Variants in NFAM1 observed in about 807,000 individuals in gnomAD.
The protein encoded by NFAM1 is NFAT activating protein with ITAM motif 1, also known as NFAT activation molecule 1.
Under a neutral mutation model 29.0 loss-of-function variants are expected in NFAM1, and 17 were observed. The observed-to-expected ratio is 0.59, with a 90% CI of 0.40 to 0.88. The LOEUF is 0.88. Among genes scored for constraint, NFAM1 ranks in the 40% least tolerant of loss-of-function variants. The probability of loss-of-function intolerance (pLI) is 0.00; values close to 1 mark genes in which losing one functional copy is unlikely to be tolerated. For synonymous variants in NFAM1, 175 were observed against 147.2 expected, an observed-to-expected ratio of 1.19 and a Z score of -1.36; for missense variants, 324 against 344.6, an observed-to-expected ratio of 0.94 and a Z score of 0.47.
chr22:42,409,601 C>A lies in NFAM1; in HGVS notation c.452-54G>T. On this transcript the variant is annotated intron_variant, in intron 2 of 5. Transcript: ENST00000329021. The surrounding 1 kb of genome is among the most constrained non-coding windows in gnomAD (Gnocchi z 4.9). ...GTCAGTGACCCAGGAGAAAGCGGGGCACACACACCTGATGTTCTCCCTCAC... is the reference window on the plus strand; with the variant it reads ...GTCAGTGACCCAGGAGAAAGCGGGGAACACACACCTGATGTTCTCCCTCAC... 2.4e-6 allele frequency: 2 copies of A among 829,084 alleles called. No homozygotes were observed. Among genetic ancestry groups the A allele is most frequent in the South Asian group, 2.1e-5 (1 of 47,382 alleles). 51.4% of individuals were successfully genotyped at this position (829,084 alleles called of 1,614,324 possible). A position where few individuals can be genotyped will look rare whatever the true frequency, so the allele number is the denominator to read the frequency against.
At chr22:42,400,843 G>A (rs1039585590) in intron 3 of NFAM1, among the ~76,000 whole-genome samples, 1 of 152,200 alleles carries the variant, frequency 6.6e-6, no homozygotes, top group Non-Finnish European at 1.5e-5. Flanking sequence ...CTGTCTCTTC[G>A]CTGAGCTGGC....
chr22:42,402,368 G>C lies in NFAM1; in HGVS notation c.565-4412C>G, dbSNP rs540059608. ...CCCCCACGTGGGGCTGTGGACCATG[G>C]TCTGGAGCTTGGGGAGGGGTCTGAG... On this transcript the variant is annotated intron_variant, in intron 3 of 5. Transcript: ENST00000329021. 6.6e-5 allele frequency among the ~76,000 whole-genome samples: 10 copies of C among 152,356 alleles called. 1 individual carries two copies. The South Asian group carries it at 2.1e-3, about 32-fold the overall frequency.
chr22:42,422,107 C>T (rs1930464741), intron 1 of NFAM1, among the ~76,000 whole-genome samples: 2 of 152,312 alleles, frequency 1.3e-5, no homozygotes, highest in South Asian at 4.1e-4. Context: ...CTTTCAACAC[C>T]TCCAAATTAC....
At chr22:42,413,927 A>G (rs1219320394) in intron 1 of NFAM1, among the ~76,000 whole-genome samples, 1 of 152,062 alleles carries the variant, frequency 6.6e-6, no homozygotes, top group Admixed American at 6.6e-5. Context: ...GGTGGTGGGC[A>G]CCTGTAATCC....
the NFAM1 span, among the ~76,000 whole-genome samples, chr22:42,437,420 G>A: frequency 6.6e-6 from 1 of 152,108 alleles, no homozygotes; most frequent in African/African-American, 2.4e-5. Flanking sequence ...TGGGATTACA[G>A]GTGTGACCTA....
At chr22:42,399,376 G>A (rs1379377768) in intron 3 of NFAM1, among the ~76,000 whole-genome samples, 2 of 151,288 alleles carry the variant, frequency 1.3e-5, no homozygotes, top group Non-Finnish European at 3.0e-5. Flanking sequence ...GAACCCAGGG[G>A]GCGGAGGTTG....
At chr22:42,406,583 G>A (rs981836650) in intron 3 of NFAM1, among the ~76,000 whole-genome samples, 9 of 151,968 alleles carry the variant, frequency 5.9e-5, no homozygotes, top group Admixed American at 2.0e-4. Context: ...CCACTGGCAC[G>A]CCCAGCCCTG....
upstream of NFAM1, among the ~76,000 whole-genome samples, chr22:42,434,279 G>C (rs766332337): frequency 7.2e-5 from 11 of 152,172 alleles, no homozygotes; most frequent in African/African-American, 9.7e-5. Context: ...ATAAGGCAGG[G>C]AGAAGCCTTC....
At chr22:42,425,928 G>A (rs747171990) in intron 1 of NFAM1, among the ~76,000 whole-genome samples, 1 of 152,186 alleles carries the variant, frequency 6.6e-6, no homozygotes, top group Non-Finnish European at 1.5e-5. Context: ...GAGGGGAACT[G>A]GGTTTGTTCA....
intron 3 of NFAM1, among the ~76,000 whole-genome samples, chr22:42,398,382 TTTATTATTA>T (rs202112713): frequency 0.026 from 3,271 of 125,392 alleles, 51 homozygotes; most frequent in Non-Finnish European, 0.034. Flanking sequence ...CTTGGTTTTA[TTTATTATTA>T]TTATTATTAT....
At chr22:42,437,703 C>T in the NFAM1 span, among the ~76,000 whole-genome samples, 2 of 152,190 alleles carry the variant, frequency 1.3e-5, no homozygotes, top group Non-Finnish European at 2.9e-5. Flanking sequence ...ATTTCCTCTC[C>T]GTGACCCTTC....
At chr22:42,425,094 T>G (rs894165570) in intron 1 of NFAM1, among the ~76,000 whole-genome samples, 1 of 152,050 alleles carries the variant, frequency 6.6e-6, no homozygotes, top group African/African-American at 2.4e-5. Flanking sequence ...GCTAATTTTT[T>G]GTATTTTTGG....
At position 42,385,057 on chromosome 22, in the gene NFAM1, G is replaced by T. The variant is rs759663569; in HGVS notation, c.*104C>A. The T allele has an allele frequency of 1.1e-5, 9 of 830,544 alleles. No individual in the cohort carries two copies. Among genetic ancestry groups the T allele is most frequent in the Non-Finnish European group, 1.5e-5 (7 of 472,198 alleles). The allele number at this position is 830,544 out of a possible 1,614,324, so 51.4% of individuals were successfully genotyped here. A position where few individuals can be genotyped will look rare whatever the true frequency, so the allele number is the denominator to read the frequency against. On this transcript the variant is annotated 3_prime_UTR_variant, in exon 6 of 6. Transcript: ENST00000329021. ...TTGAATGTGAGGGTGAAATGATGGG[G>T]TGTCCCTGGGGGCCTTACTCCCAAC...
intron 5 of NFAM1, among the ~76,000 whole-genome samples, chr22:42,386,161 T>C (rs1016474460): frequency 6.6e-6 from 1 of 151,778 alleles, no homozygotes; most frequent in African/African-American, 2.4e-5. Flanking sequence ...AATCATGAGG[T>C]CAGGAGTTCG....
At position 42,419,750 on chromosome 22, in the gene NFAM1, C is replaced by G. The variant is rs4822127; in HGVS notation, c.122-8014G>C. ...TGGGCTTTGGGGTCCCCCTCTGTCT[C>G]CAGGACATGCTCACTTCCTCCCTGA... On this transcript the variant is annotated intron_variant, in intron 1 of 5. Coordinates refer to ENST00000329021, the MANE Select transcript of NFAM1 (RefSeq NM_145912.8). This position sits in a 1 kb window ranked among gnomAD's most constrained non-coding sequence, Gnocchi z 4.5. 0.23 allele frequency among the ~76,000 whole-genome samples: 34,657 copies of G among 152,134 alleles called. 4,385 individuals are homozygous for G. Among genetic ancestry groups the G allele is most frequent in the Admixed American group, 0.37 (5,689 of 15,286 alleles).
upstream of NFAM1, chr22:42,436,842 C>T (rs540414568): frequency 1.9e-5 from 5 of 257,130 alleles, no homozygotes; most frequent in South Asian, 5.7e-4. Flanking sequence ...CTCCAGCTCC[C>T]GGGACCTGGC....
At chr22:42,407,111 G>A (rs1422780212) in intron 3 of NFAM1, among the ~76,000 whole-genome samples, 3 of 131,886 alleles carry the variant, frequency 2.3e-5, no homozygotes, top group Non-Finnish European at 3.2e-5. Context: ...ATGGAGTCTC[G>A]CTGTGTTGCC....
chr22:42,385,963 G>A (rs1010185755), intron 5 of NFAM1, among the ~76,000 whole-genome samples: 2 of 152,324 alleles, frequency 1.3e-5, no homozygotes, highest in Non-Finnish European at 1.5e-5. Flanking sequence ...CACGCTTGAC[G>A]GTGCTGGAAG....
At chr22:42,399,053 G>A (rs937464693) in intron 3 of NFAM1, among the ~76,000 whole-genome samples, 4 of 152,210 alleles carry the variant, frequency 2.6e-5, no homozygotes, top group Admixed American at 6.5e-5. Context: ...GAAATCCTGA[G>A]GGCAAGAAGT....
Sources: allele counts gnomAD v4.1 joint callset (sites outside exome capture counted in the v4.1 genomes callset), GRCh38; gene constraint gnomAD v4.1.1; non-coding constraint Gnocchi (gnomAD v3.1); transcripts MANE v1.5; gene names NCBI Gene and HGNC (gene_info 2026-07-23, HGNC 2026-07-21).